Variants in PI4KA observed in about 807,000 individuals in gnomAD.
PI4KA encodes PI4-kinase alpha.
In PI4KA, 122 loss-of-function variants were observed where a neutral mutation model predicts 271.4. The ratio of observed to expected loss-of-function variants is 0.45; its 90% CI spans 0.39 to 0.52. The LOEUF (loss-of-function observed/expected upper bound fraction) is 0.52. Ranked by LOEUF, PI4KA falls within the 20% of genes least tolerant of loss-of-function variation. The pLI is 0.00. For synonymous variants in PI4KA, 1,041 were observed against 1,078.8 expected, an observed-to-expected ratio of 0.96 and a Z score of 0.69; for missense variants, 1,969 against 2,769.1, an observed-to-expected ratio of 0.71 and a Z score of 6.48.
chr22:20,832,038 A>C (rs899208499), intron 3 of PI4KA, among the ~76,000 whole-genome samples: 5 of 149,408 alleles, frequency 3.3e-5, no homozygotes, highest in African/African-American at 4.9e-5. Flanking sequence ...TTTTTGTCTG[A>C]GTTATTTTGG....
In PI4KA at chr22:20,819,760, C is replaced by T. The variant is rs1432976839; in HGVS notation, c.670G>A (p.Glu224Lys). 1 of 1,614,040 alleles carries T rather than the reference C, an allele frequency of 6.2e-7. No individual in the cohort carries two copies. Among genetic ancestry groups the T allele is most frequent in the African/African-American group, 1.3e-5 (1 of 74,912 alleles). ...TTAAAGGAACGCCTTCGAACACCTT[C>T]AAGCTCTTCCAGGACACGGAGGGAA... ...PHSLRVLEEL[E>K]GVRRRSFNDF... Residue 224 changes from glutamate (E) to lysine (K), a missense_variant, in exon 6 of 55, where the codon GAA (glutamate) becomes AAA (lysine). By Grantham distance (56) the Glu-to-Lys change is moderately conservative. This residue lies in a region of PI4KA where 540 missense variants were observed against 555.5 expected (regional missense o/e 0.97). Transcript: ENST00000255882.
In PI4KA at chr22:20,714,590, C is replaced by T. The variant is rs2329478; in HGVS notation, c.5390+38G>A. The T allele has an allele frequency of 0.37, 604,957 of 1,613,626 alleles. 115,923 individuals are homozygous for T. Among genetic ancestry groups the T allele is most frequent in the Admixed American group, 0.49 (29,501 of 59,990 alleles). ...AGCCGAGAAAAACTTCGCACGCGGA[C>T]GCGTGGAAGTGGGGGATGGGTAGGG... On this transcript the variant is annotated intron_variant, in intron 46 of 54. Transcript: ENST00000255882.
At chr22:20,728,182 G>A (rs1283245075) in intron 39 of PI4KA, among the ~76,000 whole-genome samples, 3 of 151,992 alleles carry the variant, frequency 2.0e-5, no homozygotes, top group African/African-American at 7.3e-5. Flanking sequence ...CTTATTTCAC[G>A]TTGCATGCCT....
intron 3 of PI4KA, among the ~76,000 whole-genome samples, chr22:20,827,276 G>A (rs1335838061): frequency 3.9e-5 from 6 of 152,160 alleles, no homozygotes; most frequent in Admixed American, 3.9e-4. Flanking sequence ...AATATAGCTA[G>A]CCAGTTATCC....
chr22:20,796,125 C>G, intron 18 of PI4KA, 21 bp downstream of exon 18: 1 of 1,601,682 alleles, frequency 6.2e-7, no homozygotes, highest in Admixed American at 1.7e-5. Flanking sequence ...ATGGGGAAGG[C>G]ATAGCCATCC....
chr22:20,801,821 G>T, intron 14 of PI4KA, 152 bp downstream of exon 14: 1 of 770,152 alleles, frequency 1.3e-6, no homozygotes, highest in Non-Finnish European at 2.0e-6. Flanking sequence ...AGGAGGCAGA[G>T]GTAGCAGTGA....
chr22:20,787,358 C>A, intron 19 of PI4KA: 6 of 442,896 alleles, frequency 1.4e-5, no homozygotes, highest in South Asian at 1.3e-4. Flanking sequence ...AGCAGCGCGT[C>A]CTAAGCACCT....
chr22:20,832,557 G>A (rs563403293), intron 3 of PI4KA, among the ~76,000 whole-genome samples: 3 of 152,184 alleles, frequency 2.0e-5, no homozygotes, highest in East Asian at 1.9e-4. Flanking sequence ...AGGTTCAAGC[G>A]ATTCTCCTGC....
chr22:20,749,768 T>C (rs1227748817), intron 28 of PI4KA, 137 bp downstream of exon 28: 2 of 642,458 alleles, frequency 3.1e-6, no homozygotes, highest in East Asian at 5.5e-5. Flanking sequence ...CATCTATTAT[T>C]CTCAGGCCCT....
In PI4KA at chr22:20,813,384, C is replaced by G. The variant is rs772636644; in HGVS notation, c.979G>C (p.Glu327Gln). The G allele has an allele frequency of 6.2e-7, 1 of 1,613,748 alleles. No individual in the cohort carries two copies. Among genetic ancestry groups the G allele is most frequent in the East Asian group, 2.2e-5 (1 of 44,882 alleles). Reference protein sequence around the residue: ...VTYKEFNIPLEMLRELLNLVK... With the variant: ...VTYKEFNIPLQMLRELLNLVK... ...AGGTTTAAGAGTTCCCGAAGCATTT[C>G]CAATGGAATGTTAAACTCCTTATAT... Residue 327 changes from glutamate to glutamine, a missense_variant, in exon 8 of 55, where the codon GAA becomes CAA. Glu to Gln is a conservative substitution (Grantham distance 29, BLOSUM62 2). Transcript: ENST00000255882.
At chr22:20,825,670 C>G (rs1357138892) in intron 3 of PI4KA, among the ~76,000 whole-genome samples, 4 of 152,128 alleles carry the variant, frequency 2.6e-5, no homozygotes, top group Non-Finnish European at 5.9e-5. Context: ...CAGTTTTAGG[C>G]ATGTTACCAG....
chr22:20,841,318 G>A (rs972726836), intron 1 of PI4KA, among the ~76,000 whole-genome samples: 13 of 151,978 alleles, frequency 8.6e-5, no homozygotes, highest in African/African-American at 2.7e-4. Context: ...CCAGTGCAGC[G>A]GTCACCCCAC....
chr22:20,856,934 C>A (rs913455237), intron 1 of PI4KA, among the ~76,000 whole-genome samples: 14 of 152,192 alleles, frequency 9.2e-5, no homozygotes, highest in African/African-American at 2.9e-4. Context: ...CAATTCACTG[C>A]ATTCTCTTCT....
chr22:20,852,746 C>T (rs188205920), intron 1 of PI4KA, among the ~76,000 whole-genome samples: 4 of 152,194 alleles, frequency 2.6e-5, no homozygotes, highest in East Asian at 1.9e-4. Flanking sequence ...ACTGGAAAAA[C>T]GCCAACACTA....
At chr22:20,832,155 G>A (rs1488727258) in intron 3 of PI4KA, among the ~76,000 whole-genome samples, 1 of 127,376 alleles carries the variant, frequency 7.9e-6, no homozygotes, top group Non-Finnish European at 1.6e-5. Flanking sequence ...TTGCTCTGTT[G>A]CCCAGGCTGG....
chr22:20,798,769 G>A (rs1287988932), intron 16 of PI4KA, 82 bp from the exon 17 acceptor site: 2 of 909,886 alleles, frequency 2.2e-6, no homozygotes, highest in East Asian at 4.8e-5. Context: ...AGAAAGCTCT[G>A]GAATCCTGGG....
intron 6 of PI4KA, 40 bp downstream of exon 6, chr22:20,819,601 G>C: frequency 6.3e-7 from 1 of 1,584,096 alleles, no homozygotes; most frequent in Non-Finnish European, 8.6e-7. Flanking sequence ...GCTTAACAGG[G>C]TCTTTCTCCT....
intron 6 of PI4KA, 35 bp from the exon 7 acceptor site, chr22:20,818,584 G>A (rs1406246264): frequency 6.9e-7 from 1 of 1,442,516 alleles, no homozygotes; most frequent in Admixed American, 2.7e-5. Flanking sequence ...TATCAGAAAA[G>A]ACCAGTGAGA....
chr22:20,722,648 CA>C (rs1189888889), intron 42 of PI4KA, among the ~76,000 whole-genome samples: 8 of 152,230 alleles, frequency 5.3e-5, no homozygotes, highest in Non-Finnish European at 1.0e-4. Context: ...TTCCTAGAGC[CA>C]TAAGTTTTGA....
Sources: allele counts gnomAD v4.1 joint callset (sites outside exome capture counted in the v4.1 genomes callset), GRCh38; gene constraint gnomAD v4.1.1; regional missense constraint gnomAD v4.1.1; transcripts MANE v1.5; gene names NCBI Gene and HGNC (gene_info 2026-07-23, HGNC 2026-07-21).